The following CTSC variants were observed in gnomAD, a reference collection of about 807,000 sequenced individuals.
The protein encoded by CTSC is cathepsin C.
In CTSC, 37 loss-of-function variants were observed where a neutral mutation model predicts 40.9. The observed-to-expected ratio is 0.91, with a 90% CI of 0.70 to 1.19. The LOEUF is 1.19. CTSC is among the 50% of genes most tolerant of loss of function. The probability of loss-of-function intolerance (pLI) is 0.00; values close to 1 mark genes in which losing one functional copy is unlikely to be tolerated. For synonymous variants in CTSC, 232 were observed against 207.4 expected (o/e 1.12, Z -1.02); for missense variants, 594 against 567.3 (o/e 1.05, Z -0.48).
chr11:88,307,179 CTG>C (rs1410668798), intron 4 of CTSC, among the ~76,000 whole-genome samples: 1 of 151,808 alleles, frequency 6.6e-6, no homozygotes, highest in Non-Finnish European at 1.5e-5. Context: ...ATTGTATTCT[CTG>C]AGAATTTGAG....
chr11:88,314,597 G>A (rs569214813), intron 2 of CTSC, among the ~76,000 whole-genome samples: 1 of 150,104 alleles, frequency 6.7e-6, no homozygotes, highest in Admixed American at 6.6e-5. Flanking sequence ...GCGAGATGTC[G>A]GCTCACTGCA....
intron 4 of CTSC, among the ~76,000 whole-genome samples, chr11:88,303,571 A>T (rs1040205408): frequency 6.6e-6 from 1 of 152,232 alleles, no homozygotes; most frequent in Non-Finnish European, 1.5e-5. Flanking sequence ...GGGAAGGGGC[A>T]CACAGCTTCC....
intron 2 of CTSC, among the ~76,000 whole-genome samples, chr11:88,315,901 ATTTC>A (rs755070412): frequency 1.2e-4 from 19 of 152,148 alleles, no homozygotes; most frequent in Non-Finnish European, 2.6e-4. Flanking sequence ...TTGGGATAAA[ATTTC>A]TTTCTAATGA....
chr11:88,316,768 AG>A (rs1259061740), intron 2 of CTSC, among the ~76,000 whole-genome samples: 2 of 152,212 alleles, frequency 1.3e-5, no homozygotes, highest in African/African-American at 4.8e-5. Flanking sequence ...CACTGAGAAT[AG>A]GTAAGTTTAT....
rs550658698 is a variant in CTSC, at chr11:88,312,258, A to G, written c.485+130T>C. 7 of 863,538 alleles carry G rather than the reference A, an allele frequency of 8.1e-6. No individual in the cohort carries two copies. The African/African-American group carries it at 1.2e-4, about 14-fold the overall frequency. 53.5% of individuals were successfully genotyped at this position (863,538 alleles called of 1,614,324 possible). ...CAATTTATTTTTCCAGTAAGGTTTT[A>G]CATAGCATGCCTAATATTTCTAAGC... On this transcript the variant is annotated intron_variant, in intron 3 of 6. Transcript: ENST00000227266.
chr11:88,318,745 A>G (rs1489737384), intron 2 of CTSC, among the ~76,000 whole-genome samples: 3 of 152,270 alleles, frequency 2.0e-5, no homozygotes, highest in East Asian at 3.9e-4. Context: ...GTCTCTACTA[A>G]TAATACAAAA....
At position 88,307,026 on chromosome 11, in the gene CTSC, C is replaced by T. The variant is rs370636663; in HGVS notation, c.641+2137G>A. 3.3e-5 allele frequency among the ~76,000 whole-genome samples: 5 copies of T among 152,228 alleles called. No homozygotes were observed. In the East Asian group the frequency reaches 9.6e-4, roughly 29 times the overall value. On this transcript the variant is annotated intron_variant, in intron 4 of 6. Transcript: ENST00000227266. ...GGGCAACCAAAGGTGTGAGAAGCCACACCTCTGTCATATGCCTGCGAGGGA... is the reference window on the plus strand; with the variant it reads ...GGGCAACCAAAGGTGTGAGAAGCCATACCTCTGTCATATGCCTGCGAGGGA...
At chr11:88,300,391 T>A (rs1429058432) in intron 5 of CTSC, 139 bp downstream of exon 5, 2 of 653,400 alleles carry the variant, frequency 3.1e-6, no homozygotes, top group African/African-American at 3.7e-5. Flanking sequence ...GAATAATTCA[T>A]AGGCCACCTA....
chr11:88,325,376 T>C (rs955765178), intron 2 of CTSC: 101 of 985,304 alleles, frequency 1.0e-4, no homozygotes, highest in Admixed American at 6.1e-5. Flanking sequence ...GTTCTTCTCT[T>C]AAAACTTCAA....
intron 5 of CTSC, among the ~76,000 whole-genome samples, chr11:88,300,105 G>A (rs755286181): frequency 1.3e-5 from 2 of 152,120 alleles, no homozygotes; most frequent in African/African-American, 2.4e-5. Context: ...TTTATTTTAC[G>A]GGTTCATGTA....
intron 4 of CTSC, 60 bp downstream of exon 4, chr11:88,309,103 G>T: frequency 6.8e-7 from 1 of 1,480,082 alleles, no homozygotes. Flanking sequence ...GACTGCTTAG[G>T]AGGGAGGATG....
rs143664738 is a variant in CTSC, at chr11:88,307,929, G to A, written c.641+1234C>T. On this transcript the variant is annotated intron_variant, in intron 4 of 6. Transcript: ENST00000227266. ...GCAATAGAAAATGAGTTTAATTCAC[G>A]CAGAGCCGGCTGTATGGGAAACTGG... 4.0e-3 allele frequency among the ~76,000 whole-genome samples: 614 copies of A among 152,108 alleles called. 5 individuals carry two copies. Among genetic ancestry groups the A allele is most frequent in the African/African-American group, 0.014 (597 of 41,474 alleles).
intron 6 of CTSC, among the ~76,000 whole-genome samples, chr11:88,295,618 A>G (rs1944290047): frequency 6.6e-6 from 1 of 152,080 alleles, no homozygotes; most frequent in African/African-American, 2.4e-5. Context: ...AGGACTCAAG[A>G]GATTCACCCA....
At chr11:88,319,766 T>C (rs1937956416) in intron 2 of CTSC, among the ~76,000 whole-genome samples, 1 of 152,168 alleles carries the variant, frequency 6.6e-6, no homozygotes, top group Non-Finnish European at 1.5e-5. Flanking sequence ...ATAGATAATT[T>C]AGAATACATA....
chr11:88,335,347 C>A (rs1022858265), intron 1 of CTSC, among the ~76,000 whole-genome samples: 6 of 151,874 alleles, frequency 4.0e-5, no homozygotes, highest in South Asian at 2.1e-4. Flanking sequence ...TAGCACTTTG[C>A]GGGGCTGAGG....
intron 2 of CTSC, among the ~76,000 whole-genome samples, chr11:88,319,815 G>T (rs1937957451): frequency 6.6e-6 from 1 of 152,118 alleles, no homozygotes; most frequent in Non-Finnish European, 1.5e-5. Context: ...CCATCAAGAT[G>T]ATTTGTAATT....
In CTSC at chr11:88,324,810, A is replaced by G. The variant is rs1219302643; in HGVS notation, c.318+10127T>C. 6.1e-6 allele frequency: 6 copies of G among 985,266 alleles called. No homozygotes were observed. The African/African-American group carries it at 8.7e-5, about 14-fold the overall frequency. 61.0% of individuals were successfully genotyped at this position (985,266 alleles called of 1,614,324 possible). A position where few individuals can be genotyped will look rare whatever the true frequency, so the allele number is the denominator to read the frequency against. ...CAGCGTCATCAAGGTCCTGAGTGAT[A>G]AAGAATTTATCAGGTCCAGAGGTGA... is the stretch of plus-strand genomic sequence containing the variant. On this transcript the variant is annotated intron_variant, in intron 2 of 6. Coordinates refer to ENST00000227266, the MANE Select transcript of CTSC (RefSeq NM_001814.6).
intron 2 of CTSC, chr11:88,320,923 C>T (rs927916384): frequency 2.1e-6 from 2 of 957,418 alleles, no homozygotes; most frequent in Non-Finnish European, 2.5e-6. Context: ...TTGATCCTTG[C>T]CCTAATGAAG....
chr11:88,301,025 C>T (rs1270704610), intron 4 of CTSC, among the ~76,000 whole-genome samples: 2 of 152,032 alleles, frequency 1.3e-5, no homozygotes, highest in East Asian at 3.9e-4. Context: ...ACAGAGGAAT[C>T]ACTGATGTTT....
Sources: gnomAD v4.1 joint callset for allele counts (sites outside exome capture counted in the v4.1 genomes callset) on GRCh38, gnomAD v4.1.1 for gene constraint, MANE v1.5 for transcripts, NCBI Gene and HGNC (gene_info 2026-07-23, HGNC 2026-07-21) for gene names.